Variants in ULK2 observed in about 807,000 individuals in gnomAD.
ULK2 encodes serine/threonine-protein kinase ULK2.
In ULK2, 76 loss-of-function variants were observed where a neutral mutation model predicts 127.5. That is an observed-to-expected ratio of 0.60 (90% CI 0.50 to 0.72). The LOEUF is 0.72. Ranked by LOEUF, ULK2 falls within the 30% of genes least tolerant of loss-of-function variation. The pLI is 0.00. For synonymous variants in ULK2, 452 were observed against 461.9 expected, an observed-to-expected ratio of 0.98 and a Z score of 0.28; for missense variants, 1,144 against 1,295.9, an observed-to-expected ratio of 0.88 and a Z score of 1.80.
At position 19,773,110 on chromosome 17, in the gene ULK2, C is replaced by A. The variant is rs371888233; in HGVS notation, c.*3239G>T. The A allele has an allele frequency of 6.6e-6, 1 of 152,140 alleles. No homozygotes were observed. Among genetic ancestry groups the A allele is most frequent in the South Asian group, 2.1e-4 (1 of 4,830 alleles). 9.4% of individuals were successfully genotyped at this position (152,140 alleles called of 1,614,324 possible). A position where few individuals can be genotyped will look rare whatever the true frequency, so the allele number is the denominator to read the frequency against. On this transcript the variant is annotated 3_prime_UTR_variant, in exon 27 of 27. Transcript: ENST00000395544. ...TGACCAACATGGTGAAACCCCATCT[C>A]CACTAAAAATACGAAAAATAGCTGA...
chr17:19,802,016 G>T, intron 15 of ULK2, 94 bp from the exon 16 acceptor site: 1 of 1,399,270 alleles, frequency 7.1e-7, no homozygotes, highest in Non-Finnish European at 9.5e-7. Context: ...CCACGGAGTA[G>T]TTTTCAAAAA....
chr17:19,850,393 A>G (rs550642652), intron 3 of ULK2, among the ~76,000 whole-genome samples: 1 of 152,334 alleles, frequency 6.6e-6, no homozygotes, highest in South Asian at 2.1e-4. Context: ...TCAAATCCAT[A>G]TAGCTCCAGG....
intron 12 of ULK2, among the ~76,000 whole-genome samples, chr17:19,822,126 C>T (rs1460439210): frequency 6.6e-6 from 1 of 151,746 alleles, no homozygotes; most frequent in Non-Finnish European, 1.5e-5. Flanking sequence ...GCTGGGATTA[C>T]AGGCGCACGC....
intron 20 of ULK2, among the ~76,000 whole-genome samples, chr17:19,794,751 A>G (rs965792485): frequency 6.6e-6 from 1 of 151,404 alleles, no homozygotes; most frequent in African/African-American, 2.4e-5. Context: ...GGAGATTACA[A>G]TAGTGATTCT....
At chr17:19,795,581 T>C in intron 20 of ULK2, 41 bp downstream of exon 20, 1 of 1,534,708 alleles carries the variant, frequency 6.5e-7, no homozygotes, top group African/African-American at 1.4e-5. Context: ...ATGCATATGC[T>C]AGCAAATTAC....
rs190853700 is a variant in ULK2 at position 19,853,609 on chromosome 17, T to C, written c.226-3835A>G. On this transcript the variant is annotated intron_variant, in intron 3 of 26. Transcript: ENST00000395544. Reference sequence around the variant, plus strand: ...TTTTTGAGACAAGAGTCTCACTCTATTGCCCAGGCTGGAGTGCAGTGGCAC... The same window carrying C: ...TTTTTGAGACAAGAGTCTCACTCTACTGCCCAGGCTGGAGTGCAGTGGCAC... 2.5e-3 allele frequency among the ~76,000 whole-genome samples: 370 copies of C among 150,666 alleles called. 15 individuals are homozygous for C. The East Asian group carries it at 0.061, about 25-fold the overall frequency.
At chr17:19,814,404 T>TTATATACATATATATACATA (rs1567696298) in intron 13 of ULK2, among the ~76,000 whole-genome samples, 2 of 127,634 alleles carry the variant, frequency 1.6e-5, no homozygotes, top group African/African-American at 6.8e-5. Flanking sequence ...ATGTCTGTTA[T>TTATATACATATATATACATA]TATATACATA....
intron 9 of ULK2, chr17:19,840,058 T>A: frequency 3.1e-6 from 1 of 321,090 alleles, no homozygotes; most frequent in South Asian, 2.8e-5. Context: ...ATAATGTACA[T>A]CTATGGGACT....
Position 19,785,938 on chromosome 17 carries a change from T to C in ULK2, c.2250A>G (p.Ser750=), listed in dbSNP as rs1487214962. ...THMFLRTRTT[S]VGPSNSGGSL... is the part of the protein sequence containing the mutation. ...TGTAATATAACAAATGCTCCTTACC[T>C]GAGGTTGTTCTTGTTCGAAGGAACA... Residue 750 remains serine, a splice_region_variant and synonymous_variant, in exon 21 of 27, where the codon TCA becomes TCG. Coordinates refer to ENST00000395544, the MANE Select transcript of ULK2 (RefSeq NM_014683.4). 1 of 1,594,530 alleles carries C rather than the reference T, an allele frequency of 6.3e-7. No homozygotes were observed. Among genetic ancestry groups the C allele is most frequent in the East Asian group, 2.4e-5 (1 of 42,280 alleles).
chr17:19,848,836 C>T (rs992166246), intron 5 of ULK2, among the ~76,000 whole-genome samples: 8 of 151,672 alleles, frequency 5.3e-5, no homozygotes, highest in Non-Finnish European at 1.0e-4. Context: ...CTGAATGCTT[C>T]ATATCCTACA....
At chr17:19,865,604 T>C (rs757802192) in intron 2 of ULK2, 132 bp downstream of exon 2, 3 of 515,326 alleles carry the variant, frequency 5.8e-6, no homozygotes, top group African/African-American at 4.1e-5. Flanking sequence ...AAAGTGAGCA[T>C]GCAAAAAGGA....
intron 25 of ULK2, among the ~76,000 whole-genome samples, 196 bp downstream of exon 25, chr17:19,780,276 T>C (rs1165707702): frequency 6.6e-6 from 1 of 152,218 alleles, no homozygotes; most frequent in East Asian, 1.9e-4. Flanking sequence ...AACGGATTTG[T>C]AATTACTTAA....
At chr17:19,797,809 A>G (rs187744071) in intron 17 of ULK2, 127 bp from the exon 18 acceptor site, 2 of 947,426 alleles carry the variant, frequency 2.1e-6, no homozygotes, top group African/African-American at 3.4e-5. Flanking sequence ...AGACATTCTA[A>G]AAGTGATTTA....
chr17:19,838,856 T>A (rs2041664020), intron 9 of ULK2, among the ~76,000 whole-genome samples: 1 of 151,282 alleles, frequency 6.6e-6, no homozygotes, highest in South Asian at 2.1e-4. Flanking sequence ...TGAAACCCCA[T>A]CTCTACTAAA....
At position 19,804,211 on chromosome 17, in the gene ULK2, C is replaced by T. The variant is rs183366480; in HGVS notation, c.1295+482G>A. ...CAGCCTGGTCAATGTAGTGAGACCC[C>T]GTCTCTAAAAGCACAAAAGAAAAAG... On this transcript the variant is annotated intron_variant, in intron 15 of 26. Transcript: ENST00000395544. Among the ~76,000 whole-genome samples, 1,363 of 146,934 alleles carry T rather than the reference C, an allele frequency of 9.3e-3. 10 individuals are homozygous for T. The highest frequency in any genetic ancestry group is 0.024 in the Middle Eastern group (7 of 290).
At chr17:19,805,466 G>C (rs1475587496) in intron 14 of ULK2, among the ~76,000 whole-genome samples, 1 of 152,042 alleles carries the variant, frequency 6.6e-6, no homozygotes, top group Non-Finnish European at 1.5e-5. Flanking sequence ...AGATAACACT[G>C]GGCCCTAAGA....
At chr17:19,851,961 G>A (rs1242325186) in intron 3 of ULK2, among the ~76,000 whole-genome samples, 4 of 147,818 alleles carry the variant, frequency 2.7e-5, no homozygotes, top group Non-Finnish European at 4.4e-5. Flanking sequence ...CAGGAGAATC[G>A]CTTGAACCCG....
chr17:19,861,414 G>A (rs960416698), intron 3 of ULK2, among the ~76,000 whole-genome samples: 11 of 151,924 alleles, frequency 7.2e-5, no homozygotes, highest in Non-Finnish European at 1.0e-4. Flanking sequence ...GTATGATGGC[G>A]GGCGCCTGTA....
intron 3 of ULK2, among the ~76,000 whole-genome samples, chr17:19,852,518 C>CAAA (rs1241027121): frequency 3.7e-5 from 2 of 54,430 alleles, no homozygotes; most frequent in East Asian, 5.0e-4. Flanking sequence ...GACTCCATCT[C>CAAA]AAAAAAAAAA....
Sources: allele counts gnomAD v4.1 joint callset (sites outside exome capture counted in the v4.1 genomes callset), GRCh38; gene constraint gnomAD v4.1.1; transcripts MANE v1.5; gene names NCBI Gene and HGNC (gene_info 2026-07-23, HGNC 2026-07-21).